DOCK3: variants seen among roughly 807,000 people sequenced by gnomAD.
The protein encoded by DOCK3 is dedicator of cytokinesis 3.
Under a neutral mutation model 265.6 loss-of-function variants are expected in DOCK3, and 60 were observed. The observed-to-expected ratio is 0.23, with a 90% CI of 0.18 to 0.28. DOCK3 has a LOEUF of 0.28. DOCK3 is among the 10% of genes least tolerant of loss of function. The pLI is 1.00. For synonymous variants in DOCK3, 881 were observed against 938.0 expected (o/e 0.94, Z 1.11); for missense variants, 1,981 against 2,594.3 (o/e 0.76, Z 5.14).
chr3:50,853,555 C>T (rs975719589), intron 3 of DOCK3, among the ~76,000 whole-genome samples: 3 of 152,050 alleles, frequency 2.0e-5, no homozygotes, highest in Non-Finnish European at 2.9e-5. Flanking sequence ...TAAGTGAGAA[C>T]TTGTGGTATT....
chr3:50,739,875 A>G (rs1666240183), intron 1 of DOCK3, among the ~76,000 whole-genome samples: 4 of 152,184 alleles, frequency 2.6e-5, no homozygotes, highest in Admixed American at 2.6e-4. Flanking sequence ...AAAAAAATTT[A>G]TAATTGATAT....
intron 5 of DOCK3, among the ~76,000 whole-genome samples, chr3:50,983,115 G>A (rs1002351483): frequency 1.3e-5 from 2 of 152,196 alleles, no homozygotes; most frequent in South Asian, 2.1e-4. Context: ...CGGCATACCA[G>A]ACCTCTGCTG....
intron 22 of DOCK3, among the ~76,000 whole-genome samples, chr3:51,252,326 A>G (rs549843808): frequency 1.3e-5 from 2 of 152,222 alleles, no homozygotes; most frequent in Admixed American, 6.5e-5. Context: ...TTTGGCTTAG[A>G]ATTGTCTTGG....
In DOCK3 at chr3:51,093,464, G is replaced by A. The variant is rs569364521; in HGVS notation, c.746+3080G>A. ...AGCAATTGTGAATTGGAGTTCACTC[G>A]TGATTTTGCTCTCTGCTCATCTATT... On this transcript the variant is annotated intron_variant, in intron 9 of 52. Transcript: ENST00000266037. 3.0e-4 allele frequency among the ~76,000 whole-genome samples: 46 copies of A among 152,202 alleles called. No individual in the cohort carries two copies. The South Asian group carries it at 9.3e-3, about 31-fold the overall frequency.
At chr3:51,237,861 G>A (rs1481392204) in intron 21 of DOCK3, among the ~76,000 whole-genome samples, 1 of 151,958 alleles carries the variant, frequency 6.6e-6, no homozygotes, top group Non-Finnish European at 1.5e-5. Flanking sequence ...TTACAAAACT[G>A]AAATATTGTA....
At chr3:51,292,992 A>T (rs1035022955) in intron 27 of DOCK3, among the ~76,000 whole-genome samples, 4 of 152,366 alleles carry the variant, frequency 2.6e-5, no homozygotes, top group African/African-American at 9.6e-5. Context: ...AAATAAATGG[A>T]CAGATATCTC....
At chr3:50,723,960 C>T (rs2037642981) in intron 1 of DOCK3, among the ~76,000 whole-genome samples, 1 of 152,058 alleles carries the variant, frequency 6.6e-6, no homozygotes, top group South Asian at 2.1e-4. Context: ...TGACAAAGAG[C>T]TAATATCCAG....
intron 9 of DOCK3, among the ~76,000 whole-genome samples, chr3:51,106,478 C>T (rs1028545429): frequency 8.5e-5 from 13 of 152,100 alleles, no homozygotes; most frequent in African/African-American, 2.7e-4. Flanking sequence ...TGTGTGTGTG[C>T]GTGCACCCTG....
chr3:50,765,039 G>C (rs2040778695), intron 1 of DOCK3, among the ~76,000 whole-genome samples: 1 of 149,514 alleles, frequency 6.7e-6, no homozygotes, highest in South Asian at 2.1e-4. Context: ...TGGGATTATG[G>C]GCTTATTTGT....
chr3:50,678,109 T>A (rs1490457445), intron 1 of DOCK3, among the ~76,000 whole-genome samples: 1 of 152,178 alleles, frequency 6.6e-6, no homozygotes, highest in Non-Finnish European at 1.5e-5. Flanking sequence ...TATATTTTTC[T>A]TAATTTTCTT....
chr3:50,907,745 A>C (rs943298869), intron 4 of DOCK3, among the ~76,000 whole-genome samples: 2 of 152,042 alleles, frequency 1.3e-5, no homozygotes, highest in African/African-American at 4.8e-5. Context: ...CATTTAGCCC[A>C]TTTACATTTA....
intron 38 of DOCK3, among the ~76,000 whole-genome samples, chr3:51,345,239 G>GAT (rs1408079568): frequency 2.0e-5 from 3 of 152,178 alleles, no homozygotes; most frequent in African/African-American, 7.2e-5. Context: ...TGAAAGCTGT[G>GAT]ATAATGGGGG....
chr3:51,183,721 A>G (rs1381618156), intron 12 of DOCK3, among the ~76,000 whole-genome samples: 2 of 152,196 alleles, frequency 1.3e-5, no homozygotes, highest in Non-Finnish European at 2.9e-5. Flanking sequence ...AGCAGTTTAT[A>G]CCAGGCTCCT....
At chr3:51,371,572 T>G (rs1189546676) in intron 49 of DOCK3, among the ~76,000 whole-genome samples, 1 of 152,226 alleles carries the variant, frequency 6.6e-6, no homozygotes, top group East Asian at 1.9e-4. Context: ...AGATACACTC[T>G]GGGCAAAGAA....
chr3:51,292,329 G>T (rs1055563899), intron 27 of DOCK3, among the ~76,000 whole-genome samples: 2 of 152,084 alleles, frequency 1.3e-5, no homozygotes, highest in African/African-American at 4.8e-5. Flanking sequence ...GTCTCTGTTT[G>T]CCAATGACAT....
At chr3:51,124,941 C>T (rs995631788) in intron 9 of DOCK3, among the ~76,000 whole-genome samples, 2 of 146,190 alleles carry the variant, frequency 1.4e-5, no homozygotes, top group African/African-American at 5.1e-5. Flanking sequence ...ACCAGCCTGG[C>T]CAACATGGTG....
chr3:51,179,312 C>A (rs967592998), intron 12 of DOCK3, among the ~76,000 whole-genome samples: 9 of 152,198 alleles, frequency 5.9e-5, no homozygotes, highest in African/African-American at 2.2e-4. Context: ...AGGTGGAATA[C>A]CATAGTCATC....
At chr3:51,146,692 A>C in intron 10 of DOCK3, 62 bp downstream of exon 10, 1 of 1,442,160 alleles carries the variant, frequency 6.9e-7, no homozygotes, top group East Asian at 2.5e-5. Context: ...TGCTATGTGG[A>C]TACTGTCACC....
At chr3:50,920,468 T>C (rs2050384170) in intron 4 of DOCK3, among the ~76,000 whole-genome samples, 1 of 152,206 alleles carries the variant, frequency 6.6e-6, no homozygotes, top group Non-Finnish European at 1.5e-5. Context: ...CTTCCTGGTT[T>C]AGTCTTGGGA....
Sources: gnomAD v4.1 joint callset for allele counts (sites outside exome capture counted in the v4.1 genomes callset) on GRCh38, gnomAD v4.1.1 for gene constraint, MANE v1.5 for transcripts, NCBI Gene and HGNC (gene_info 2026-07-23, HGNC 2026-07-21) for gene names.